Variants in CPS1 observed in about 807,000 individuals in gnomAD.
CPS1 encodes carbamoyl-phosphate synthase [ammonia], mitochondrial.
A neutral mutation model predicts 174.6 loss-of-function variants in CPS1; 109 were observed. The observed-to-expected ratio is 0.62, with a 90% CI of 0.53 to 0.73. The LOEUF (loss-of-function observed/expected upper bound fraction) is 0.73, where lower values mean the gene tolerates loss of function less well. Ranked by LOEUF, CPS1 falls within the 30% of genes least tolerant of loss-of-function variation. The pLI is 0.00. For missense variants in CPS1, 1,689 were observed against 1,821.9 expected (o/e 0.93, Z 1.33); for synonymous variants, 637 against 632.0 (o/e 1.01, Z -0.12).
At chr2:210,677,231 C>T (rs1262550729) in intron 37 of CPS1, 95 bp downstream of exon 37, 50 of 1,229,118 alleles carry the variant, frequency 4.1e-5, no homozygotes, top group Middle Eastern at 1.9e-4. Flanking sequence ...CTCTTTTCCC[C>T]TCTTTGTAAC....
At chr2:210,576,324 A>C in intron 2 of CPS1, 22 bp from the exon 3 acceptor site, 1 of 1,613,106 alleles carries the variant, frequency 6.2e-7, no homozygotes, top group Non-Finnish European at 8.5e-7. Flanking sequence ...TTTGCTGATA[A>C]TTTTTTGGCA....
At chr2:210,525,041 G>A (rs534203023) in intron 1 of CPS1, among the ~76,000 whole-genome samples, 61 of 151,916 alleles carry the variant, frequency 4.0e-4, no homozygotes, top group African/African-American at 1.4e-3. Flanking sequence ...ATTGGAAGGG[G>A]ATCCTCCTTT....
At chr2:210,610,368 A>G (rs1699069870) in intron 19 of CPS1, among the ~76,000 whole-genome samples, 2 of 152,080 alleles carry the variant, frequency 1.3e-5, no homozygotes, top group African/African-American at 4.8e-5. Context: ...AAAGTGAGCA[A>G]ACATTTCCTG....
upstream of CPS1, among the ~76,000 whole-genome samples, chr2:210,553,991 T>G (rs1258512007): frequency 1.3e-5 from 2 of 151,192 alleles, no homozygotes; most frequent in African/African-American, 4.9e-5. Context: ...ATTCAGAATA[T>G]TTAATCAAAT....
At chr2:210,485,913 G>A (rs184770612) in intron 1 of CPS1, among the ~76,000 whole-genome samples, 16 of 151,944 alleles carry the variant, frequency 1.1e-4, no homozygotes, top group Admixed American at 7.2e-4. Flanking sequence ...GTTCCTCCAC[G>A]TACTTACTTG....
At chr2:210,673,554 A>G (rs1340228354) in intron 34 of CPS1, 1 of 152,210 alleles carries the variant, frequency 6.6e-6, no homozygotes, top group Non-Finnish European at 1.5e-5. Context: ...AAATGCGTAT[A>G]AATGAGGGGG....
intron 1 of CPS1, among the ~76,000 whole-genome samples, chr2:210,549,083 T>G (rs888309077): frequency 2.0e-5 from 3 of 152,000 alleles, no homozygotes; most frequent in Non-Finnish European, 4.4e-5. Context: ...AGTCGGTAAC[T>G]TCAAGACATG....
intron 28 of CPS1, 145 bp from the exon 29 acceptor site, chr2:210,653,880 G>C: frequency 1.4e-6 from 1 of 703,158 alleles, no homozygotes; most frequent in Non-Finnish European, 2.6e-6. Context: ...CACAGATTAG[G>C]TAATGAGTTT....
At chr2:210,480,834 C>G (rs1574455240) in intron 1 of CPS1, among the ~76,000 whole-genome samples, 1 of 152,330 alleles carries the variant, frequency 6.6e-6, no homozygotes, top group East Asian at 1.9e-4. Context: ...TATCACCACA[C>G]TGCTGGTTTA....
intron 21 of CPS1, among the ~76,000 whole-genome samples, chr2:210,630,805 G>C (rs1699841782): frequency 6.6e-6 from 1 of 152,148 alleles, no homozygotes; most frequent in African/African-American, 2.4e-5. Flanking sequence ...AATGAAGAGA[G>C]GTGACAAATA....
intron 9 of CPS1, 59 bp from the exon 10 acceptor site, chr2:210,591,772 A>G: frequency 1.3e-6 from 2 of 1,566,292 alleles, no homozygotes; most frequent in Non-Finnish European, 1.8e-6. Context: ...TAAGGAATAC[A>G]TTTATATTAT....
intron 1 of CPS1, among the ~76,000 whole-genome samples, chr2:210,529,906 A>C (rs1396241331): frequency 1.3e-5 from 2 of 152,044 alleles, no homozygotes; most frequent in Admixed American, 6.6e-5. Context: ...AATGCTAGAC[A>C]TTTTTAGTCA....
chr2:210,625,068 T>C (rs1699655747), intron 21 of CPS1, among the ~76,000 whole-genome samples: 1 of 152,080 alleles, frequency 6.6e-6, no homozygotes, highest in Admixed American at 6.5e-5. Flanking sequence ...GGAGCTGGTA[T>C]TAGACCAAAT....
In CPS1 at chr2:210,582,651, A is replaced by T. The variant is rs376091629; in HGVS notation, c.563A>T (p.Gln188Leu). The T allele has an allele frequency of 6.2e-7, 1 of 1,613,508 alleles. No homozygotes were observed. Among genetic ancestry groups the T allele is most frequent in the South Asian group, 1.1e-5 (1 of 91,074 alleles). ...CTTGGGAAGATTGAATTTGAAGGTC[A>T]GCCTGTGGATTTTGTGGATCCAAAT... ...TMLGKIEFEGQPVDFVDPNKQ... is the reference protein window; with the variant it reads ...TMLGKIEFEGLPVDFVDPNKQ... Residue 188 changes from glutamine (Q) to leucine (L), a missense_variant, in exon 6 of 38, where the codon CAG (glutamine) becomes CTG (leucine). Transcript: ENST00000233072.
At position 210,615,619 on chromosome 2, in the gene CPS1, A is replaced by T. The variant is rs370691176; in HGVS notation, c.2569-804A>T. 7.2e-5 allele frequency among the ~76,000 whole-genome samples: 11 copies of T among 152,116 alleles called. No homozygotes were observed. The South Asian group carries it at 1.5e-3, about 20-fold the overall frequency. On this transcript the variant is annotated intron_variant, in intron 20 of 37. Transcript: ENST00000233072. Reference sequence around the variant, plus strand: ...ACACATACACACATACAAGAATAAGAGTAGACATCTTTTTGTATAAAGATT... The same window carrying T: ...ACACATACACACATACAAGAATAAGTGTAGACATCTTTTTGTATAAAGATT...
Position 210,605,158 on chromosome 2 carries a change from A to G in CPS1, c.1893A>G (p.Glu631=), listed in dbSNP as rs2105847319. Residue 631 remains glutamate, a synonymous_variant, in exon 17 of 38, where the codon GAA becomes GAG. Coordinates refer to ENST00000233072, the MANE Select transcript of CPS1 (RefSeq NM_001875.5). Reference sequence around the variant, plus strand: ...AGAAGTCAGTGACAGGTTGGAAAGAAATAGAATATGAAGTGGTTCGAGATG... The same window carrying G: ...AGAAGTCAGTGACAGGTTGGAAAGAGATAGAATATGAAGTGGTTCGAGATG... ...LVEKSVTGWK[E]IEYEVVRDAD... 1.2e-6 allele frequency: 2 copies of G among 1,612,222 alleles called. No homozygotes were observed. The highest frequency in any genetic ancestry group is 1.7e-6 in the Non-Finnish European group (2 of 1,178,820).
chr2:210,480,158 T>C (rs2105939096), intron 1 of CPS1, among the ~76,000 whole-genome samples: 1 of 152,134 alleles, frequency 6.6e-6, no homozygotes, highest in South Asian at 2.1e-4. Context: ...TCCCTCAGAG[T>C]GTGATGCTCT....
chr2:210,670,910 A>G (rs1701279829), intron 34 of CPS1, among the ~76,000 whole-genome samples: 1 of 152,220 alleles, frequency 6.6e-6, no homozygotes, highest in Admixed American at 6.5e-5. Context: ...ATCAAGATGT[A>G]GATTTTGTCA....
chr2:210,587,985 G>T, intron 6 of CPS1, 73 bp from the exon 7 acceptor site: 3 of 1,248,950 alleles, frequency 2.4e-6, no homozygotes, highest in Non-Finnish European at 1.2e-6. Context: ...AACATTGTCA[G>T]ATGTGTTTAT....
Sources: allele counts gnomAD v4.1 joint callset (sites outside exome capture counted in the v4.1 genomes callset), GRCh38; gene constraint gnomAD v4.1.1; transcripts MANE v1.5; gene names NCBI Gene and HGNC (gene_info 2026-07-23, HGNC 2026-07-21).